Variants in TBC1D2B observed in about 807,000 individuals in gnomAD.
The protein encoded by TBC1D2B is TBC1 domain family member 2B.
In TBC1D2B, 64 loss-of-function variants were observed where a neutral mutation model predicts 100.8. That is an observed-to-expected ratio of 0.64 (90% CI 0.52 to 0.78). The LOEUF is 0.78. Ranked by LOEUF, TBC1D2B falls within the 30% of genes least tolerant of loss-of-function variation. The pLI is 0.00. For synonymous variants in TBC1D2B, 480 were observed against 479.7 expected, an observed-to-expected ratio of 1.00 and a Z score of -0.01; for missense variants, 1,052 against 1,218.4, an observed-to-expected ratio of 0.86 and a Z score of 2.03.
chr15:78,028,677 C>G (rs919785527), intron 4 of TBC1D2B, among the ~76,000 whole-genome samples: 3 of 152,218 alleles, frequency 2.0e-5, no homozygotes, highest in Non-Finnish European at 4.4e-5. Context: ...AACAGCATTC[C>G]TGTCGAATCA....
At chr15:78,007,423 G>A (rs2072096486) in intron 10 of TBC1D2B, among the ~76,000 whole-genome samples, 1 of 152,202 alleles carries the variant, frequency 6.6e-6, no homozygotes, top group South Asian at 2.1e-4. Context: ...AAGCTTCCAG[G>A]CAGGCGGCAG....
At chr15:78,030,681 A>C (rs2072786348) in intron 3 of TBC1D2B, among the ~76,000 whole-genome samples, 1 of 152,226 alleles carries the variant, frequency 6.6e-6, no homozygotes, top group Admixed American at 6.5e-5. Context: ...GAACTCAGCA[A>C]GGTACTGTTA....
chr15:78,006,585 GCA>G lies in TBC1D2B; in HGVS notation c.2388+2410_2388+2411del, dbSNP rs569828768. On this transcript the variant is annotated intron_variant, in intron 10 of 12. Transcript: ENST00000300584. Reference sequence around the variant, plus strand: ...CCTGTGATGTTCTAGGAGGCCGTGGGCACAGACAGGCAAGTTTAGGCCCAGAG... The same window carrying G: ...CCTGTGATGTTCTAGGAGGCCGTGGGCAGACAGGCAAGTTTAGGCCCAGAG... Among the ~76,000 whole-genome samples the G allele has an allele frequency of 1.8e-4, 27 of 152,270 alleles. No individual in the cohort carries two copies. In the East Asian group the frequency reaches 5.2e-3, roughly 29 times the overall value.
chr15:78,030,190 G>A lies in TBC1D2B; in HGVS notation c.684-20C>T. 6.3e-7 allele frequency: 1 copy of A among 1,597,694 alleles called. No individual in the cohort carries two copies. The highest frequency in any genetic ancestry group is 1.1e-5 in the South Asian group (1 of 88,664). On this transcript the variant is annotated intron_variant, in intron 3 of 12. Transcript: ENST00000300584. ...GAATTCCTGTTGGGAAAAACAATAT[G>A]TGTTATTAACAAAAACAAAAGTAAA... is the stretch of plus-strand genomic sequence containing the variant.
chr15:78,014,094 T>C (rs1039659427), intron 8 of TBC1D2B, among the ~76,000 whole-genome samples: 2 of 152,276 alleles, frequency 1.3e-5, no homozygotes, highest in Non-Finnish European at 2.9e-5. Flanking sequence ...AGCAAGGAAA[T>C]AGCGACCTAG....
At chr15:78,000,606 A>G (rs116771834) in intron 12 of TBC1D2B, among the ~76,000 whole-genome samples, 7 of 152,290 alleles carry the variant, frequency 4.6e-5, no homozygotes, top group South Asian at 2.1e-4. Flanking sequence ...CCACTCCCCA[A>G]TAAAAGACTC....
At position 78,077,664 on chromosome 15, in the gene TBC1D2B, GCCAACCGTAGGCGC is replaced by G; in HGVS notation, c.-26_-13del. The G allele has an allele frequency of 1.0e-6, 1 of 984,076 alleles. No homozygotes were observed. Among genetic ancestry groups the G allele is most frequent in the Non-Finnish European group, 1.2e-6 (1 of 830,300 alleles). The allele number at this position is 984,076 out of a possible 1,614,324, so 61.0% of individuals were successfully genotyped here. A position where few individuals can be genotyped will look rare whatever the true frequency, so the allele number is the denominator to read the frequency against. ...CCGGCCCCCGGCATCGCTACCGCGCGCCAACCGTAGGCGCCCGCGCCCTGCGCCTCCGCGCCGCG... is the reference window on the plus strand; with the variant it reads ...CCGGCCCCCGGCATCGCTACCGCGCGCCGCGCCCTGCGCCTCCGCGCCGCG... On this transcript the variant is annotated 5_prime_UTR_variant, in exon 1 of 13. Transcript: ENST00000300584.
chr15:78,009,035 G>A lies in TBC1D2B; in HGVS notation c.2350C>T (p.Pro784Ser). The change falls in exon 10 of 13, where the codon CCT becomes TCT. Residue 784 changes from proline to serine, a missense_variant. This residue lies in a region of TBC1D2B where 373 missense variants were observed against 464.9 expected (regional missense o/e 0.80). Coordinates refer to ENST00000300584, the MANE Select transcript of TBC1D2B (RefSeq NM_144572.2). ...CLVTIVEVFM[P>S]RDYYTKTLLG... is the part of the protein sequence containing the mutation. ...AGAGTCTTTGTATAATAGTCTCGAG[G>A]CATGAAAACTTCCACTATGGTAACG... 6.2e-7 allele frequency: 1 copy of A among 1,606,438 alleles called. No homozygotes were observed.
chr15:78,065,663 G>A (rs868730155), intron 1 of TBC1D2B, among the ~76,000 whole-genome samples: 18 of 152,080 alleles, frequency 1.2e-4, no homozygotes, highest in Admixed American at 2.0e-4. Context: ...GTAGCCTATT[G>A]GATGGTCTTG....
chr15:78,033,957 C>CT (rs1280683505), intron 3 of TBC1D2B, among the ~76,000 whole-genome samples: 1 of 152,194 alleles, frequency 6.6e-6, no homozygotes, highest in African/African-American at 2.4e-5. Context: ...TGGCCTTTGG[C>CT]TAACTGCTTT....
Position 78,016,689 on chromosome 15 carries a change from T to C in TBC1D2B, c.1632A>G (p.Ile544Met). 6.2e-7 allele frequency: 1 copy of C among 1,600,818 alleles called. No homozygotes were observed. The change falls in exon 8 of 13, where the codon ATA becomes ATG. Residue 544 changes from isoleucine (I) to methionine (M), a missense_variant. By Grantham distance (10) the Ile-to-Met change is conservative. Coordinates refer to ENST00000300584, the MANE Select transcript of TBC1D2B (RefSeq NM_144572.2). ...CTGGTGTCTTCATTTCTTGGAGCAA[T>C]ATCAGGTATTTACTTTCTATCTGGC... Reference protein sequence around the residue: ...KLCQIESKYLILLQEMKTPVC... With the variant: ...KLCQIESKYLMLLQEMKTPVC...
intron 4 of TBC1D2B, among the ~76,000 whole-genome samples, chr15:78,026,228 C>A (rs2072665643): frequency 6.6e-6 from 1 of 151,464 alleles, no homozygotes; most frequent in Non-Finnish European, 1.5e-5. Flanking sequence ...AAATTTAATC[C>A]TCAATGTAAC....
In TBC1D2B at chr15:78,028,281, C is replaced by A. The variant is rs146100586; in HGVS notation, c.847+1726G>T. ...CCTGAGGTCAAGAGTTCAAGACCAG[C>A]CTGGCCAACATGATGAAACCCTGTC... On this transcript the variant is annotated intron_variant, in intron 4 of 12. Transcript: ENST00000300584. Among the ~76,000 whole-genome samples, 381 of 152,236 alleles carry A rather than the reference C, an allele frequency of 2.5e-3. 2 individuals carry two copies. The highest frequency in any genetic ancestry group is 3.9e-3 in the Non-Finnish European group (264 of 68,030).
rs1242714293 is a variant in TBC1D2B at position 78,077,414 on chromosome 15, C to T, written c.239G>A (p.Gly80Asp). The change falls in exon 1 of 13, where the codon GGC becomes GAC. Residue 80 changes from glycine to aspartate, a missense_variant. This residue lies in a region of TBC1D2B where 627 missense variants were observed against 646.1 expected (regional missense o/e 0.97). Transcript: ENST00000300584. ...FKSPQDALPLGHLDIADACFS... is the reference protein window; with the variant it reads ...FKSPQDALPLDHLDIADACFS... ...GCAGGCGTCCGCGATGTCCAAGTGG[C>T]CGAGGGGCAGCGCGTCCTGCGGACT... The T allele has an allele frequency of 1.9e-6, 3 of 1,545,928 alleles. No individual in the cohort carries two copies. Among genetic ancestry groups the T allele is most frequent in the African/African-American group, 1.4e-5 (1 of 72,216 alleles).
In TBC1D2B at chr15:78,077,550, C is replaced by A; in HGVS notation, c.103G>T (p.Ala35Ser). ...TTCTGCAGATAGCCACACAGCCGCG[C>A]TGGCTCCCGCGCCGGACCCGCCCCG... Reference protein sequence around the residue: ...EPGAGPAREPARLCGYLQKLS... With the variant: ...EPGAGPAREPSRLCGYLQKLS... Residue 35 changes from alanine (A) to serine (S), a missense_variant, in exon 1 of 13, where the codon GCG (alanine) becomes TCG (serine). Transcript: ENST00000300584. The A allele has an allele frequency of 6.8e-7, 1 of 1,468,308 alleles. No individual in the cohort carries two copies. Among genetic ancestry groups the A allele is most frequent in the South Asian group, 1.3e-5 (1 of 76,524 alleles). 91.0% of individuals were successfully genotyped at this position (1,468,308 alleles called of 1,614,324 possible).
At chr15:78,075,717 T>C (rs1405789986) in intron 1 of TBC1D2B, among the ~76,000 whole-genome samples, 2 of 152,182 alleles carry the variant, frequency 1.3e-5, no homozygotes, top group East Asian at 3.9e-4. Flanking sequence ...CAACCCGAGT[T>C]GGTTTTCTTT....
rs371165483 is a variant in TBC1D2B, at chr15:78,030,000, T to C, written c.847+7A>G. The C allele has an allele frequency of 4.9e-5, 79 of 1,604,324 alleles. No individual in the cohort carries two copies. Among genetic ancestry groups the C allele is most frequent in the African/African-American group, 6.7e-5 (5 of 74,136 alleles). ...AGAATGACAGACAACAGGAAGTACA[T>C]TGATACCTTTGTTTCCTTCAGGGGT... On this transcript the variant is annotated splice_region_variant and intron_variant, in intron 4 of 12. Transcript: ENST00000300584.
At chr15:78,036,896 G>A (rs1419125806) in intron 3 of TBC1D2B, among the ~76,000 whole-genome samples, 3 of 152,168 alleles carry the variant, frequency 2.0e-5, no homozygotes, top group Non-Finnish European at 4.4e-5. Context: ...AACGTCCAAA[G>A]TCAGAATATA....
At chr15:78,000,193 G>T (rs1030649007) in intron 12 of TBC1D2B, among the ~76,000 whole-genome samples, 9 of 152,236 alleles carry the variant, frequency 5.9e-5, no homozygotes, top group Non-Finnish European at 1.2e-4. Flanking sequence ...GCAAGCTGCA[G>T]GGGAGACCGT....
Sources: gnomAD v4.1 joint callset for allele counts (sites outside exome capture counted in the v4.1 genomes callset) on GRCh38, gnomAD v4.1.1 for gene constraint, gnomAD v4.1.1 regional missense constraint, MANE v1.5 for transcripts, NCBI Gene and HGNC (gene_info 2026-07-23, HGNC 2026-07-21) for gene names.